AKAP6: variants seen among roughly 807,000 people sequenced by gnomAD.
AKAP6 encodes the protein A-kinase anchor protein 6.
In AKAP6, 58 loss-of-function variants were observed where a neutral mutation model predicts 188.5. The ratio of observed to expected loss-of-function variants is 0.31; its 90% confidence interval spans 0.25 to 0.38. AKAP6 has a LOEUF of 0.38. AKAP6 is among the 10% of genes least tolerant of loss of function. The pLI is 1.00. For synonymous variants in AKAP6, 989 were observed against 998.6 expected (o/e 0.99, Z 0.18); for missense variants, 2,710 against 2,740.0 (o/e 0.99, Z 0.24).
chr14:32,583,060 G>A (rs1885054115), intron 5 of AKAP6, among the ~76,000 whole-genome samples: 1 of 152,202 alleles, frequency 6.6e-6, no homozygotes, highest in Admixed American at 6.5e-5. Flanking sequence ...AGGAGGAGAG[G>A]CGCTCTGCTT....
chr14:32,669,070 C>T (rs1256754449), intron 7 of AKAP6, among the ~76,000 whole-genome samples: 1 of 152,100 alleles, frequency 6.6e-6, no homozygotes, highest in East Asian at 1.9e-4. Flanking sequence ...ATTTGAGCTA[C>T]TATTATGTAG....
intron 11 of AKAP6, among the ~76,000 whole-genome samples, chr14:32,747,886 A>T (rs8019267): frequency 0.16 from 23,755 of 152,154 alleles, 3,020 homozygotes; most frequent in African/African-American, 0.35. Flanking sequence ...CCTTGATTTG[A>T]GAAGGCAGAG....
chr14:32,740,880 T>G (rs2031640207), intron 11 of AKAP6, among the ~76,000 whole-genome samples: 1 of 152,080 alleles, frequency 6.6e-6, no homozygotes, highest in Non-Finnish European at 1.5e-5. Flanking sequence ...TTTAAAATTG[T>G]TTTTTCCATT....
At chr14:32,534,105 CT>C (rs1882559399) in intron 2 of AKAP6, among the ~76,000 whole-genome samples, 1 of 152,060 alleles carries the variant, frequency 6.6e-6, no homozygotes, top group African/African-American at 2.4e-5. Context: ...GATTTTTTCC[CT>C]TGTACATTTT....
intron 9 of AKAP6, among the ~76,000 whole-genome samples, chr14:32,725,863 G>T (rs1015289745): frequency 6.6e-6 from 1 of 152,136 alleles, no homozygotes; most frequent in Non-Finnish European, 1.5e-5. Context: ...GAAACTAAAT[G>T]ATGCAACTCC....
At chr14:32,710,160 T>A (rs1277008046) in intron 9 of AKAP6, among the ~76,000 whole-genome samples, 1 of 148,882 alleles carries the variant, frequency 6.7e-6, no homozygotes, top group Non-Finnish European at 1.5e-5. Context: ...TTTAAAAAAA[T>A]TTAAAAAGAA....
At chr14:32,510,852 C>T (rs1461217913) in intron 2 of AKAP6, among the ~76,000 whole-genome samples, 1 of 152,086 alleles carries the variant, frequency 6.6e-6, no homozygotes, top group Non-Finnish European at 1.5e-5. Context: ...TGGAGTCATG[C>T]TGGCCAATCT....
chr14:32,366,148 T>C (rs1566466481), intron 1 of AKAP6, among the ~76,000 whole-genome samples: 1 of 152,100 alleles, frequency 6.6e-6, no homozygotes, highest in African/African-American at 2.4e-5. Flanking sequence ...TTTCCTACCC[T>C]TCCTTGTTTG....
chr14:32,588,790 A>G (rs1423789871), intron 5 of AKAP6, among the ~76,000 whole-genome samples: 1 of 152,218 alleles, frequency 6.6e-6, no homozygotes, highest in Non-Finnish European at 1.5e-5. Flanking sequence ...TGTCTAAAAA[A>G]ATTCTCAAAG....
intron 5 of AKAP6, among the ~76,000 whole-genome samples, chr14:32,584,937 C>T (rs1460344313): frequency 6.6e-6 from 1 of 151,940 alleles, no homozygotes; most frequent in African/African-American, 2.4e-5. Flanking sequence ...TTTTTATTGC[C>T]TTAAGAAACA....
chr14:32,600,278 C>G (rs550594261), intron 6 of AKAP6, among the ~76,000 whole-genome samples: 1 of 152,162 alleles, frequency 6.6e-6, no homozygotes, highest in African/African-American at 2.4e-5. Flanking sequence ...TATAAAGTCT[C>G]TACACAGATA....
intron 11 of AKAP6, among the ~76,000 whole-genome samples, chr14:32,769,037 ATTTTTTTTTTTTTT>A: frequency 1.8e-5 from 1 of 56,922 alleles, no homozygotes; most frequent in Non-Finnish European, 2.9e-5. Context: ...TGCTCTTTTG[ATTTTTTTTTTTTTT>A]TTTTTTTTTT....
chr14:32,637,811 T>C (rs1448518068), intron 7 of AKAP6, among the ~76,000 whole-genome samples: 1 of 151,840 alleles, frequency 6.6e-6, no homozygotes, highest in Non-Finnish European at 1.5e-5. Flanking sequence ...AATATGATAA[T>C]GGGAGTTGAT....
At chr14:32,784,905 A>G (rs1326062064) in intron 12 of AKAP6, among the ~76,000 whole-genome samples, 1 of 152,072 alleles carries the variant, frequency 6.6e-6, no homozygotes, top group Admixed American at 6.6e-5. Context: ...ATCTTGGTTA[A>G]TGATTTATAT....
In AKAP6 at chr14:32,696,068, C is replaced by A; in HGVS notation, c.2958C>A (p.His986Gln). 6.2e-7 allele frequency: 1 copy of A among 1,612,816 alleles called. No homozygotes were observed. Among genetic ancestry groups the A allele is most frequent in the East Asian group, 2.2e-5 (1 of 44,814 alleles). Residue 986 changes from histidine to glutamine, a missense_variant, in exon 9 of 14, where the codon CAC (histidine) becomes CAA (glutamine). By Grantham distance (24) the His-to-Gln change is conservative. Transcript: ENST00000280979. Reference sequence around the variant, plus strand: ...TGGAGTCCCTTGTGATGGACAGCCACGACCTGATGATGTCAGAGGAGCAGC... The same window carrying A: ...TGGAGTCCCTTGTGATGGACAGCCAAGACCTGATGATGTCAGAGGAGCAGC... ...IDMESLVMDS[H>Q]DLMMSEEQQQ...
chr14:32,714,210 T>C (rs1369272257), intron 9 of AKAP6, among the ~76,000 whole-genome samples: 1 of 151,948 alleles, frequency 6.6e-6, no homozygotes, highest in Admixed American at 6.6e-5. Context: ...ACAATTACAA[T>C]AGTAACATCA....
chr14:32,408,404 C>T (rs17098988), intron 1 of AKAP6, among the ~76,000 whole-genome samples: 92,122 of 151,658 alleles, frequency 0.61, 29,989 homozygotes, highest in Non-Finnish European at 0.72. Flanking sequence ...AGGAATAGGT[C>T]TCAGATTAGC....
chr14:32,693,063 GA>G (rs1029977504), intron 8 of AKAP6, among the ~76,000 whole-genome samples: 3 of 152,122 alleles, frequency 2.0e-5, no homozygotes, highest in African/African-American at 7.2e-5. Flanking sequence ...AGCATATAGG[GA>G]TTTACATGAT....
chr14:32,414,912 A>G (rs1889608803), intron 1 of AKAP6, among the ~76,000 whole-genome samples: 1 of 152,218 alleles, frequency 6.6e-6, no homozygotes, highest in Non-Finnish European at 1.5e-5. Flanking sequence ...TCCAATAACT[A>G]AATTTGGATG....
Sources: gnomAD v4.1 joint callset for allele counts (sites outside exome capture counted in the v4.1 genomes callset) on GRCh38, gnomAD v4.1.1 for gene constraint, MANE v1.5 for transcripts, NCBI Gene and HGNC (gene_info 2026-07-23, HGNC 2026-07-21) for gene names.